The following MGAT4C variants were observed in gnomAD, a reference collection of about 807,000 sequenced individuals.
MGAT4C encodes the protein MGAT4 family member C, also known as alpha-1,3-mannosyl-glycoprotein 4-beta-N-acetylglucosaminyltransferase C.
A neutral mutation model predicts 40.1 loss-of-function variants in MGAT4C; 19 were observed. The observed-to-expected ratio is 0.47, with a 90% CI of 0.33 to 0.70. The LOEUF (loss-of-function observed/expected upper bound fraction) is 0.70, where lower values mean the gene tolerates loss of function less well. Ranked by LOEUF, MGAT4C falls within the 30% of genes least tolerant of loss-of-function variation. The probability of loss-of-function intolerance (pLI) is 0.02; values close to 1 mark genes in which losing one functional copy is unlikely to be tolerated. For missense variants in MGAT4C, 491 were observed against 563.2 expected (o/e 0.87, Z 1.30); for synonymous variants, 181 against 187.1 (o/e 0.97, Z 0.27).
At position 86,641,034 on chromosome 12, in the gene MGAT4C, A is replaced by G. The variant is rs533153300; in HGVS notation, c.-229+86175T>C. The stretch of plus-strand genomic sequence containing the variant: ...AGCTTTACTTCCAAGTATGTGGTCA[A>G]TTTTGGAATACGTGTGGTGTGGTGC... On this transcript the variant is annotated intron_variant, in intron 2 of 7. Coordinates refer to the MGAT4C transcript ENST00000548651. 2.6e-5 allele frequency among the ~76,000 whole-genome samples: 4 copies of G among 152,074 alleles called. No individual in the cohort carries two copies. In the South Asian group the frequency reaches 8.3e-4, roughly 31 times the overall value.
chr12:86,417,229 T>C (rs187613006), intron 3 of MGAT4C, among the ~76,000 whole-genome samples: 2 of 152,242 alleles, frequency 1.3e-5, no homozygotes, highest in Admixed American at 6.5e-5. Flanking sequence ...ATTGAACAAT[T>C]GTTTGCACAT....
chr12:86,055,161 C>T (rs1469694226), intron 1 of MGAT4C, among the ~76,000 whole-genome samples: 2 of 151,938 alleles, frequency 1.3e-5, no homozygotes, highest in African/African-American at 4.8e-5. Context: ...TAGCTTCCAA[C>T]ATGTTCTAAC....
At chr12:86,481,714 A>G (rs1957940566) in intron 2 of MGAT4C, among the ~76,000 whole-genome samples, 1 of 151,952 alleles carries the variant, frequency 6.6e-6, no homozygotes, top group East Asian at 1.9e-4. Context: ...CATATTGAAA[A>G]ATATTTAAAG....
chr12:86,766,075 A>C, intron 1 of MGAT4C, among the ~76,000 whole-genome samples: 1 of 152,178 alleles, frequency 6.6e-6, no homozygotes, highest in Non-Finnish European at 1.5e-5. Context: ...AGACTGGCAA[A>C]TTGGATAAAG....
At chr12:86,043,735 C>T (rs1892104856) in intron 2 of MGAT4C, among the ~76,000 whole-genome samples, 1 of 152,164 alleles carries the variant, frequency 6.6e-6, no homozygotes, top group Admixed American at 6.5e-5. Context: ...TTGCTTTCTC[C>T]CCCTCTCTTT....
chr12:86,672,715 C>T (rs1393611029), intron 2 of MGAT4C, among the ~76,000 whole-genome samples: 1 of 151,888 alleles, frequency 6.6e-6, no homozygotes, highest in African/African-American at 2.4e-5. Context: ...ATTGGGTACT[C>T]GAGGACATAA....
At chr12:86,585,639 G>C (rs976298227) in intron 2 of MGAT4C, among the ~76,000 whole-genome samples, 3 of 151,174 alleles carry the variant, frequency 2.0e-5, no homozygotes, top group Non-Finnish European at 4.4e-5. Flanking sequence ...GCTGTCTACA[G>C]GATATTGTAT....
intron 2 of MGAT4C, among the ~76,000 whole-genome samples, chr12:86,628,311 G>A (rs1962891207): frequency 6.6e-6 from 1 of 152,122 alleles, no homozygotes; most frequent in African/African-American, 2.4e-5. Context: ...GAACTAAGCT[G>A]GAAAACACTC....
At chr12:86,192,913 A>G (rs1349705881) in intron 1 of MGAT4C, among the ~76,000 whole-genome samples, 1 of 152,134 alleles carries the variant, frequency 6.6e-6, no homozygotes, top group Non-Finnish European at 1.5e-5. Flanking sequence ...AAGTTATTGT[A>G]GCATTATGAA....
chr12:86,116,271 C>T (rs149773229), intron 1 of MGAT4C, among the ~76,000 whole-genome samples: 8 of 151,842 alleles, frequency 5.3e-5, no homozygotes, highest in African/African-American at 1.7e-4. Context: ...TATGCATTAA[C>T]GGGCACTCTG....
At chr12:86,603,486 CTATATAA>C (rs1407089673) in intron 2 of MGAT4C, among the ~76,000 whole-genome samples, 2 of 103,452 alleles carry the variant, frequency 1.9e-5, no homozygotes, top group African/African-American at 8.2e-5. Flanking sequence ...AGTCTATAGA[CTATATAA>C]TATATACTAT....
At chr12:86,189,514 T>C (rs865138) in intron 1 of MGAT4C, among the ~76,000 whole-genome samples, 100,405 of 151,668 alleles carry the variant, frequency 0.66, 33,653 homozygotes, top group South Asian at 0.75. Context: ...CTGAAGAACA[T>C]TGTATTTTTA....
chr12:86,297,357 C>T (rs76219825), intron 4 of MGAT4C, among the ~76,000 whole-genome samples: 3,915 of 151,974 alleles, frequency 0.026, 89 homozygotes, highest in Non-Finnish European at 0.043. Context: ...TGATTTTGCA[C>T]GTGATATGCA....
intron 3 of MGAT4C, among the ~76,000 whole-genome samples, chr12:86,377,767 T>C (rs1303024712): frequency 2.0e-5 from 3 of 152,286 alleles, no homozygotes; most frequent in Non-Finnish European, 4.4e-5. Context: ...TACACTCACA[T>C]TGTTGTGCAA....
chr12:86,337,230 A>C (rs1160846995), intron 3 of MGAT4C, among the ~76,000 whole-genome samples: 1 of 152,098 alleles, frequency 6.6e-6, no homozygotes, highest in Non-Finnish European at 1.5e-5. Context: ...AGAAAACAGA[A>C]ATTGCTGGAG....
At chr12:86,778,819 T>G (rs909193770) in intron 1 of MGAT4C, among the ~76,000 whole-genome samples, 2 of 152,092 alleles carry the variant, frequency 1.3e-5, no homozygotes, top group Non-Finnish European at 2.9e-5. Context: ...CTAAATCACT[T>G]TTAATATAAT....
At chr12:86,820,284 A>G (rs141223569) in intron 1 of MGAT4C, among the ~76,000 whole-genome samples, 53 of 150,942 alleles carry the variant, frequency 3.5e-4, no homozygotes, top group African/African-American at 1.2e-3. Context: ...CTTGTTGTAT[A>G]TGTCCACTAT....
chr12:86,094,818 T>G (rs557826955), intron 1 of MGAT4C, among the ~76,000 whole-genome samples: 1 of 152,248 alleles, frequency 6.6e-6, no homozygotes, highest in African/African-American at 2.4e-5. Flanking sequence ...TTAAAAAGAC[T>G]CAATTAGCAC....
intron 2 of MGAT4C, among the ~76,000 whole-genome samples, chr12:86,713,219 T>G (rs372960264): frequency 6.6e-6 from 1 of 152,094 alleles, no homozygotes; most frequent in African/African-American, 2.4e-5. Context: ...ATGGTTTACA[T>G]GTTGTTTTTT....
Sources: allele counts gnomAD v4.1 joint callset (sites outside exome capture counted in the v4.1 genomes callset), GRCh38; gene constraint gnomAD v4.1.1; transcripts MANE v1.5; gene names NCBI Gene and HGNC (gene_info 2026-07-23, HGNC 2026-07-21).